Variants in KLRD1 observed in about 807,000 individuals in gnomAD.
KLRD1 encodes the protein natural killer cells antigen CD94.
KLRD1 carries 21 observed loss-of-function variants against 22.6 expected under a neutral mutation model. The observed-to-expected ratio is 0.93, with a 90% CI of 0.66 to 1.34. The LOEUF (loss-of-function observed/expected upper bound fraction) is 1.34, where lower values mean the gene tolerates loss of function less well. Ranked by LOEUF, KLRD1 falls within the 40% of genes most tolerant of loss-of-function variation. The probability of loss-of-function intolerance (pLI) is 0.00; values close to 1 mark genes in which losing one functional copy is unlikely to be tolerated. For synonymous variants in KLRD1, 59 were observed against 71.1 expected (o/e 0.83, Z 0.85); for missense variants, 183 against 208.6 (o/e 0.88, Z 0.76).
intron 1 of KLRD1, among the ~76,000 whole-genome samples, chr12:10,245,619 CTGTACATGTACT>C (rs1452228803): frequency 6.6e-6 from 1 of 152,148 alleles, no homozygotes; most frequent in African/African-American, 2.4e-5. Flanking sequence ...TCATTAATTT[CTGTACATGTACT>C]TGTCTTTCTG....
At chr12:10,273,725 G>A (rs1949568685) in intron 1 of KLRD1, among the ~76,000 whole-genome samples, 1 of 152,012 alleles carries the variant, frequency 6.6e-6, no homozygotes, top group Admixed American at 6.6e-5. Flanking sequence ...TATATACATG[G>A]ATTAAATTCT....
chr12:10,258,669 T>A (rs1345969906), intron 1 of KLRD1, among the ~76,000 whole-genome samples: 1 of 152,126 alleles, frequency 6.6e-6, no homozygotes, highest in Non-Finnish European at 1.5e-5. Flanking sequence ...AAGTAGTCCT[T>A]CCAAAGACAT....
At chr12:10,313,663 C>A in intron 5 of KLRD1, 150 bp downstream of exon 5, 9 of 459,784 alleles carry the variant, frequency 2.0e-5, no homozygotes, top group Non-Finnish European at 2.7e-5. Flanking sequence ...AACAAAATAA[C>A]AATTTTAGAT....
intron 5 of KLRD1, 95 bp from the exon 6 acceptor site, chr12:10,314,578 C>T (rs1950178972): frequency 1.7e-6 from 2 of 1,176,586 alleles, no homozygotes; most frequent in Non-Finnish European, 2.3e-6. Context: ...GTATCTCACT[C>T]AAATGCTTTT....
rs147327926 is a variant in KLRD1 at position 10,309,174 on chromosome 12, T to A, written c.8-214T>A. The A allele has an allele frequency of 4.8e-3, 2,027 of 423,148 alleles. 6 individuals carry two copies. Among genetic ancestry groups the A allele is most frequent in the Non-Finnish European group, 6.8e-3 (1,634 of 239,786 alleles). 26.2% of individuals were successfully genotyped at this position (423,148 alleles called of 1,614,324 possible). A position where few individuals can be genotyped will look rare whatever the true frequency, so the allele number is the denominator to read the frequency against. ...AACAGAGCTGGTAGAGAAGAAAATG[T>A]TTGAATAATCTTCCTGAAGAATAAG... On this transcript the variant is annotated intron_variant, in intron 1 of 5. Transcript: ENST00000336164.
chr12:10,304,218 T>C (rs1419738494), upstream of KLRD1, among the ~76,000 whole-genome samples: 1 of 152,108 alleles, frequency 6.6e-6, no homozygotes, highest in Non-Finnish European at 1.5e-5. Flanking sequence ...ACTTTCCCCT[T>C]AGGACACACT....
intron 1 of KLRD1, among the ~76,000 whole-genome samples, chr12:10,275,109 C>G (rs915669732): frequency 4.6e-5 from 7 of 152,132 alleles, no homozygotes; most frequent in Non-Finnish European, 4.4e-5. Context: ...AGGCTGGTCT[C>G]CAACTCCTGA....
intron 1 of KLRD1, among the ~76,000 whole-genome samples, chr12:10,298,912 C>G (rs1215679372): frequency 2.0e-5 from 3 of 152,182 alleles, no homozygotes; most frequent in Non-Finnish European, 2.9e-5. Flanking sequence ...CTCCACAGGC[C>G]ATATTTCTGT....
intron 1 of KLRD1, among the ~76,000 whole-genome samples, chr12:10,265,987 T>C (rs1004545418): frequency 3.3e-5 from 5 of 152,182 alleles, no homozygotes; most frequent in African/African-American, 1.2e-4. Flanking sequence ...ACACTATTTA[T>C]ATCAGCAAAA....
At chr12:10,310,963 C>T (rs1950053234) in intron 3 of KLRD1, among the ~76,000 whole-genome samples, 1 of 152,138 alleles carries the variant, frequency 6.6e-6, no homozygotes, top group African/African-American at 2.4e-5. Flanking sequence ...TTTATATTCC[C>T]TTTTCAAAAA....
intron 1 of KLRD1, among the ~76,000 whole-genome samples, chr12:10,268,597 C>A (rs529471388): frequency 1.2e-4 from 18 of 152,144 alleles, no homozygotes; most frequent in African/African-American, 4.1e-4. Flanking sequence ...GATAAGAAAG[C>A]GCGTCATCTG....
In KLRD1 at chr12:10,311,622, G is replaced by A. The variant is rs1427745022; in HGVS notation, c.315+7G>A. On this transcript the variant is annotated splice_region_variant and intron_variant, in intron 4 of 5. Transcript: ENST00000336164. ...TCAAAACACAGATGAACTGGCATGT[G>A]CTGAGTCTGATTTTCTACATTTTCT... The A allele has an allele frequency of 1.2e-6, 2 of 1,612,340 alleles. No homozygotes were observed. The highest frequency in any genetic ancestry group is 2.2e-5 in the East Asian group (1 of 44,840).
chr12:10,271,373 C>T (rs920719228), intron 1 of KLRD1, among the ~76,000 whole-genome samples: 5 of 152,164 alleles, frequency 3.3e-5, no homozygotes, highest in Admixed American at 2.6e-4. Context: ...TCTAAGTCAT[C>T]GTGGCCATCG....
chr12:10,290,302 G>A (rs1949755466), intron 1 of KLRD1, among the ~76,000 whole-genome samples: 1 of 152,138 alleles, frequency 6.6e-6, no homozygotes, highest in African/African-American at 2.4e-5. Context: ...TCTACTCCTT[G>A]GGAAAGGCCA....
In KLRD1 at chr12:10,314,979, C is replaced by A; in HGVS notation, c.*186C>A. On this transcript the variant is annotated 3_prime_UTR_variant, in exon 6 of 6. Transcript: ENST00000336164. ...AAAATTGATGAAATTCGTTCACCTACATTTGAGAATTATAAAATTAACATA... is the reference window on the plus strand; with the variant it reads ...AAAATTGATGAAATTCGTTCACCTAAATTTGAGAATTATAAAATTAACATA... 2.2e-6 allele frequency: 1 copy of A among 450,786 alleles called. No individual in the cohort carries two copies. Among genetic ancestry groups the A allele is most frequent in the East Asian group, 4.2e-5 (1 of 23,568 alleles). The allele number at this position is 450,786 out of a possible 1,614,324, so 27.9% of individuals were successfully genotyped here.
In KLRD1 at chr12:10,328,909, AG is replaced by A. The variant is rs916619006; in HGVS notation, c.*14121del. On this transcript the variant is annotated 3_prime_UTR_variant, in exon 6 of 6. Coordinates refer to ENST00000336164, the MANE Select transcript of KLRD1 (RefSeq NM_002262.5). Reference sequence around the variant, plus strand: ...CAAGAGAGAATGAAAGCCAAGCCAAAGGGGGTTTCCCCTTATAAAACCATCT... The same window carrying A: ...CAAGAGAGAATGAAAGCCAAGCCAAAGGGGTTTCCCCTTATAAAACCATCT... 1.3e-5 allele frequency: 2 copies of A among 152,226 alleles called. No individual in the cohort carries two copies. The highest frequency in any genetic ancestry group is 4.8e-5 in the African/African-American group (2 of 41,442). 9.4% of individuals were successfully genotyped at this position (152,226 alleles called of 1,614,324 possible).
At chr12:10,286,716 C>T (rs370683477) in intron 1 of KLRD1, among the ~76,000 whole-genome samples, 1 of 128,074 alleles carries the variant, frequency 7.8e-6, no homozygotes, top group African/African-American at 3.1e-5. Flanking sequence ...ACTTTGTTGC[C>T]CAGGCTGGTC....
chr12:10,293,969 C>G (rs1305987693), intron 1 of KLRD1, among the ~76,000 whole-genome samples: 1 of 152,188 alleles, frequency 6.6e-6, no homozygotes, highest in Non-Finnish European at 1.5e-5. Flanking sequence ...GGTATGAACG[C>G]TAGCTATCCT....
intron 3 of KLRD1, among the ~76,000 whole-genome samples, chr12:10,311,188 A>T (rs1042853267): frequency 2.0e-5 from 3 of 152,052 alleles, no homozygotes; most frequent in Non-Finnish European, 4.4e-5. Context: ...AACATACTTA[A>T]TTTTTTTGTA....
Sources: gnomAD v4.1 joint callset for allele counts (sites outside exome capture counted in the v4.1 genomes callset) on GRCh38, gnomAD v4.1.1 for gene constraint, MANE v1.5 for transcripts, NCBI Gene and HGNC (gene_info 2026-07-23, HGNC 2026-07-21) for gene names.